Variants in CD40 observed in about 807,000 individuals in gnomAD.
CD40 encodes the protein tumor necrosis factor receptor superfamily member 5.
Under a neutral mutation model 38.5 loss-of-function variants are expected in CD40, and 19 were observed. That is an observed-to-expected ratio of 0.49 (90% CI 0.34 to 0.72). The LOEUF (loss-of-function observed/expected upper bound fraction) is 0.72. CD40 is among the 30% of genes least tolerant of loss of function. The pLI is 0.01. For missense variants in CD40, 256 were observed against 344.1 expected, an observed-to-expected ratio of 0.74 and a Z score of 2.03; for synonymous variants, 130 against 128.7, an observed-to-expected ratio of 1.01 and a Z score of -0.07.
In CD40 at chr20:46,122,941, A is replaced by T. The variant is rs1459910993; in HGVS notation, c.403+185A>T. 5.4e-6 allele frequency: 5 copies of T among 921,780 alleles called. No individual in the cohort carries two copies. In the East Asian group the frequency reaches 1.3e-4, roughly 24 times the overall value. 57.1% of individuals were successfully genotyped at this position (921,780 alleles called of 1,614,324 possible). ...GTTCATTCTGCCTTCTGCCATGGGGATCTGCCTTTGAAGGGCAATGGGAGA... is the reference window on the plus strand; with the variant it reads ...GTTCATTCTGCCTTCTGCCATGGGGTTCTGCCTTTGAAGGGCAATGGGAGA... On this transcript the variant is annotated intron_variant, in intron 4 of 8. Coordinates refer to ENST00000372285, the MANE Select transcript of CD40 (RefSeq NM_001250.6). The surrounding 1 kb of genome is among the most constrained non-coding windows in gnomAD (Gnocchi z 5.0).
At chr20:46,124,254 A>T (rs1489969416) in intron 5 of CD40, among the ~76,000 whole-genome samples, 4 of 152,198 alleles carry the variant, frequency 2.6e-5, no homozygotes, top group African/African-American at 9.7e-5. Context: ...GAGCCAAGAT[A>T]GCGCCACTGC....
At chr20:46,121,723 G>T in intron 1 of CD40, 97 bp from the exon 2 acceptor site, 9 of 922,674 alleles carry the variant, frequency 9.8e-6, no homozygotes, top group Non-Finnish European at 1.6e-5. Context: ...TTGCACTTCA[G>T]TTTGCAGCCT....
chr20:46,128,445 CAG>C (rs2145613933), intron 8 of CD40, 87 bp downstream of exon 8: 1 of 1,412,960 alleles, frequency 7.1e-7, no homozygotes, highest in African/African-American at 1.4e-5. Flanking sequence ...AAAACTGATT[CAG>C]AGTCTGTCTC....
chr20:46,120,469 A>T (rs2145585997), intron 1 of CD40, among the ~76,000 whole-genome samples: 1 of 152,358 alleles, frequency 6.6e-6, no homozygotes, highest in Non-Finnish European at 1.5e-5. Flanking sequence ...AGTTTTAAGG[A>T]GCACATGGAC....
chr20:46,118,440 T>A (rs957116671), intron 1 of CD40, 46 bp downstream of exon 1: 2 of 1,590,666 alleles, frequency 1.3e-6, no homozygotes, highest in Middle Eastern at 1.7e-4. Context: ...GAGTGGGGAA[T>A]GAGAAGGAAA....
rs11569322 is a variant in CD40 at position 46,123,006 on chromosome 20, A to T, written c.404-120A>T. 12,585 of 932,470 alleles carry T rather than the reference A, an allele frequency of 0.013. 173 individuals carry two copies. Among genetic ancestry groups the T allele is most frequent in the South Asian group, 0.039 (2,989 of 75,938 alleles). 57.8% of individuals were successfully genotyped at this position (932,470 alleles called of 1,614,324 possible). On this transcript the variant is annotated intron_variant, in intron 4 of 8. Transcript: ENST00000372285. ...CTGCAGCTGTCGGGGGCAGTACCAC[A>T]TCGGGGGAAGAGTGCTCAAGGCAGG...
At chr20:46,123,360 A>G (rs2085356926) in intron 5 of CD40, 141 bp downstream of exon 5, 1 of 799,756 alleles carries the variant, frequency 1.3e-6, no homozygotes, top group African/African-American at 1.7e-5. Context: ...GAGTGGCCTC[A>G]TGGCCAACCA....
chr20:46,122,809 C>T lies in CD40; in HGVS notation c.403+53C>T. On this transcript the variant is annotated intron_variant, in intron 4 of 8. Transcript: ENST00000372285. The surrounding 1 kb of genome is among the most constrained non-coding windows in gnomAD (Gnocchi z 5.0). ...TGGAGGGGGACAGAGGAGCTTAGGG[C>T]CCAAGGTGAGGGGCTGGGCAGTGGG... The T allele has an allele frequency of 6.2e-7, 1 of 1,607,590 alleles. No homozygotes were observed. The highest frequency in any genetic ancestry group is 1.7e-4 in the Middle Eastern group (1 of 6,044).
In CD40 at chr20:46,123,112, C is replaced by G; in HGVS notation, c.404-14C>G. The stretch of plus-strand genomic sequence containing the variant: ...ACTGTGATGGTTAATGTCCCCCTCC[C>G]CACCCACTCCCAGCTACAGGGGTTT... On this transcript the variant is annotated splice_polypyrimidine_tract_variant and intron_variant, in intron 4 of 8. Transcript: ENST00000372285. 1 of 1,603,452 alleles carries G rather than the reference C, an allele frequency of 6.2e-7. No individual in the cohort carries two copies. Among genetic ancestry groups the G allele is most frequent in the Non-Finnish European group, 8.5e-7 (1 of 1,170,268 alleles).
rs1337571722 is a variant in CD40, at chr20:46,129,515, A to G, written c.*475A>G. 1 of 187,118 alleles carries G rather than the reference A, an allele frequency of 5.3e-6. No homozygotes were observed. The highest frequency in any genetic ancestry group is 1.1e-5 in the Non-Finnish European group (1 of 87,590). The allele number at this position is 187,118 out of a possible 1,614,324, so 11.6% of individuals were successfully genotyped here. Reference sequence around the variant, plus strand: ...AAATAAAATTAGAATATATTTATACAACAGAATCTCAAAAACACTGTTGAG... The same window carrying G: ...AAATAAAATTAGAATATATTTATACGACAGAATCTCAAAAACACTGTTGAG... On this transcript the variant is annotated 3_prime_UTR_variant, in exon 9 of 9. Transcript: ENST00000372285.
chr20:46,126,927 A>C, intron 6 of CD40: 1 of 649,558 alleles, frequency 1.5e-6, no homozygotes, highest in Non-Finnish European at 2.6e-6. Flanking sequence ...CTTCCTTAGT[A>C]GGTTTTGATT....
In CD40 at chr20:46,129,457, G is replaced by T; in HGVS notation, c.*417G>T. On this transcript the variant is annotated 3_prime_UTR_variant, in exon 9 of 9. Transcript: ENST00000372285. The stretch of plus-strand genomic sequence containing the variant: ...TGTTTGTGATAGTGAACAACTGGAA[G>T]CTGCTTAACTGTCCATCAGCAGGAG... 1 of 220,888 alleles carries T rather than the reference G, an allele frequency of 4.5e-6. No individual in the cohort carries two copies. Among genetic ancestry groups the T allele is most frequent in the Non-Finnish European group, 9.3e-6 (1 of 107,820 alleles). 13.7% of individuals were successfully genotyped at this position (220,888 alleles called of 1,614,324 possible).
chr20:46,126,676 C>G lies in CD40; in HGVS notation c.534C>G (p.Gly178=). The G allele has an allele frequency of 6.2e-7, 1 of 1,614,040 alleles. No homozygotes were observed. The highest frequency in any genetic ancestry group is 8.5e-7 in the Non-Finnish European group (1 of 1,179,964). The change falls in exon 6 of 9, where the codon GGC becomes GGG. Residue 178 remains glycine (G), a synonymous_variant. Coordinates refer to ENST00000372285, the MANE Select transcript of CD40 (RefSeq NM_001250.6). ...ETKDLVVQQA[G]TNKTDVVCGP... is the part of the protein sequence containing the mutation. Reference sequence around the variant, plus strand: ...AAGACCTGGTTGTGCAACAGGCAGGCACAAACAAGACTGATGTTGTCTGTG... The same window carrying G: ...AAGACCTGGTTGTGCAACAGGCAGGGACAAACAAGACTGATGTTGTCTGTG...
At chr20:46,121,995 G>A (rs908516604) in intron 2 of CD40, 97 bp downstream of exon 2, 26 of 1,152,258 alleles carry the variant, frequency 2.3e-5, no homozygotes, top group Admixed American at 7.1e-5. Flanking sequence ...AATCTGAAAC[G>A]ACCCATTTCC....
At position 46,126,682 on chromosome 20, in the gene CD40, C is replaced by A; in HGVS notation, c.540C>A (p.Asn180Lys). ...TGGTTGTGCAACAGGCAGGCACAAA[C>A]AAGACTGATGTTGTCTGTGGTGAGT... is the stretch of plus-strand genomic sequence containing the variant. ...KDLVVQQAGT[N>K]KTDVVCGPQD... The change falls in exon 6 of 9, where the codon AAC (asparagine) becomes AAA (lysine). Residue 180 changes from asparagine (N) to lysine (K), a missense_variant. Asn to Lys is a moderately conservative substitution (Grantham distance 94). Transcript: ENST00000372285. The A allele has an allele frequency of 5.0e-6, 8 of 1,614,104 alleles. 2 individuals are homozygous for A. The Middle Eastern group carries it at 1.3e-3, about 266-fold the overall frequency.
At chr20:46,125,279 C>G (rs931614999) in intron 5 of CD40, among the ~76,000 whole-genome samples, 5 of 151,746 alleles carry the variant, frequency 3.3e-5, no homozygotes, top group East Asian at 2.0e-4. Flanking sequence ...GGCGTGGTGG[C>G]TCACACCTGT....
chr20:46,125,781 A>G (rs2085423643), intron 5 of CD40, among the ~76,000 whole-genome samples: 1 of 152,108 alleles, frequency 6.6e-6, no homozygotes, highest in Non-Finnish European at 1.5e-5. Context: ...GGGCAGCTGA[A>G]TCTTCTCACT....
intron 8 of CD40, 96 bp from the exon 9 acceptor site, chr20:46,128,786 G>A (rs1484356515): frequency 3.0e-6 from 4 of 1,328,334 alleles, no homozygotes; most frequent in African/African-American, 1.4e-5. Flanking sequence ...GGAAAGGGGG[G>A]AGGGCTTGGG....
chr20:46,123,074 G>A (rs531332582), intron 4 of CD40, 52 bp from the exon 5 acceptor site: 25 of 1,378,100 alleles, frequency 1.8e-5, no homozygotes, highest in East Asian at 6.8e-5. Context: ...CTTGTGAGCC[G>A]GACAGGTGGT....
Sources: allele counts gnomAD v4.1 joint callset (sites outside exome capture counted in the v4.1 genomes callset), GRCh38; gene constraint gnomAD v4.1.1; non-coding constraint Gnocchi (gnomAD v3.1); transcripts MANE v1.5; gene names NCBI Gene and HGNC (gene_info 2026-07-23, HGNC 2026-07-21).